HHAT: variants seen among roughly 807,000 people sequenced by gnomAD.
HHAT encodes protein-cysteine N-palmitoyltransferase HHAT.
In HHAT, 47 loss-of-function variants were observed where a neutral mutation model predicts 70.8. The observed-to-expected ratio is 0.66, with a 90% CI of 0.53 to 0.85. The LOEUF (loss-of-function observed/expected upper bound fraction) is 0.85. Ranked by LOEUF, HHAT falls within the 40% of genes least tolerant of loss-of-function variation. The probability of loss-of-function intolerance (pLI) is 0.00; values close to 1 mark genes in which losing one functional copy is unlikely to be tolerated. For synonymous variants in HHAT, 228 were observed against 247.6 expected (o/e 0.92, Z 0.74); for missense variants, 609 against 604.8 (o/e 1.01, Z -0.07).
chr1:210,512,231 G>A (rs1414641070), intron 8 of HHAT, among the ~76,000 whole-genome samples: 2 of 152,102 alleles, frequency 1.3e-5, no homozygotes, highest in African/African-American at 4.8e-5. Flanking sequence ...GATGGGACAG[G>A]GTTGTTCTCT....
chr1:210,353,627 TCTTA>T (rs941303253), intron 2 of HHAT, among the ~76,000 whole-genome samples: 8 of 152,074 alleles, frequency 5.3e-5, no homozygotes, highest in South Asian at 4.1e-4. Context: ...GGTTCTTAAC[TCTTA>T]CTTAAAAATT....
At chr1:210,390,403 T>G (rs2091378060) in intron 4 of HHAT, among the ~76,000 whole-genome samples, 1 of 152,248 alleles carries the variant, frequency 6.6e-6, no homozygotes, top group African/African-American at 2.4e-5. Flanking sequence ...AAGAATTCGT[T>G]TCTTATTAGG....
chr1:210,672,004 C>T (rs1680186433), intron 11 of HHAT, among the ~76,000 whole-genome samples: 1 of 152,234 alleles, frequency 6.6e-6, no homozygotes, highest in Admixed American at 6.5e-5. Context: ...TGTGCCCTCC[C>T]ACCGTTACTA....
At chr1:210,662,963 A>G (rs936874642) in intron 11 of HHAT, among the ~76,000 whole-genome samples, 2 of 152,148 alleles carry the variant, frequency 1.3e-5, no homozygotes, top group African/African-American at 4.8e-5. Context: ...CTTGCTCAGA[A>G]TGGAGGAAGC....
intron 6 of HHAT, among the ~76,000 whole-genome samples, chr1:210,416,193 G>A (rs960381831): frequency 6.6e-6 from 1 of 151,866 alleles, no homozygotes; most frequent in African/African-American, 2.4e-5. Context: ...CCCGCTGGGG[G>A]CAGTGCCTGC....
intron 7 of HHAT, among the ~76,000 whole-genome samples, chr1:210,459,683 A>G (rs1483901297): frequency 6.6e-6 from 1 of 152,188 alleles, no homozygotes; most frequent in Non-Finnish European, 1.5e-5. Flanking sequence ...TCCTTTTAAA[A>G]AGGGCAGCAT....
chr1:210,362,236 CTT>C (rs72236593), intron 2 of HHAT, among the ~76,000 whole-genome samples: 16,254 of 139,670 alleles, frequency 0.12, 987 homozygotes, highest in Non-Finnish European at 0.16. Flanking sequence ...GTCAAAATTT[CTT>C]TTTTTTTTTT....
chr1:210,391,060 C>T (rs1475649817), intron 4 of HHAT, among the ~76,000 whole-genome samples: 1 of 152,150 alleles, frequency 6.6e-6, no homozygotes, highest in Non-Finnish European at 1.5e-5. Flanking sequence ...CTTTTAGTTC[C>T]TTAAGGAATT....
intron 8 of HHAT, among the ~76,000 whole-genome samples, chr1:210,491,962 C>T (rs2094558823): frequency 6.6e-6 from 1 of 152,042 alleles, no homozygotes; most frequent in Admixed American, 6.6e-5. Flanking sequence ...AGGATTTTAC[C>T]ATGTTGGCCA....
At chr1:210,555,734 G>A (rs1279195457) in intron 9 of HHAT, among the ~76,000 whole-genome samples, 1 of 152,186 alleles carries the variant, frequency 6.6e-6, no homozygotes, top group African/African-American at 2.4e-5. Flanking sequence ...TTGGTTGACA[G>A]ACATCCGGGA....
chr1:210,534,319 T>G (rs566070471), intron 9 of HHAT, among the ~76,000 whole-genome samples: 1 of 152,230 alleles, frequency 6.6e-6, no homozygotes, highest in South Asian at 2.1e-4. Context: ...TATTTAACTT[T>G]GGCTACCTGA....
chr1:210,497,403 A>G (rs2094668880), intron 8 of HHAT, among the ~76,000 whole-genome samples: 3 of 152,246 alleles, frequency 2.0e-5, no homozygotes. Context: ...TTAAAAGACC[A>G]GTAGAAAACA....
intron 8 of HHAT, among the ~76,000 whole-genome samples, chr1:210,478,272 A>T (rs188057494): frequency 1.3e-5 from 2 of 152,176 alleles, no homozygotes; most frequent in East Asian, 1.9e-4. Flanking sequence ...TAATTTTCCG[A>T]AAGTTTTTAG....
At chr1:210,439,761 C>T (rs1431964065) in intron 7 of HHAT, 1 of 151,868 alleles carries the variant, frequency 6.6e-6, no homozygotes, top group Non-Finnish European at 1.5e-5. Context: ...CAGGTAAGGC[C>T]AGATCAGCCT....
At chr1:210,526,404 C>T (rs2095250550) in intron 9 of HHAT, among the ~76,000 whole-genome samples, 1 of 120,842 alleles carries the variant, frequency 8.3e-6, no homozygotes, top group Non-Finnish European at 1.8e-5. Flanking sequence ...AATATACTTA[C>T]CTGATGGACA....
intron 9 of HHAT, among the ~76,000 whole-genome samples, chr1:210,528,727 TATTA>T (rs1192001936): frequency 1.3e-5 from 2 of 151,746 alleles, no homozygotes; most frequent in African/African-American, 4.9e-5. Flanking sequence ...TACATTTTTA[TATTA>T]ATTAGGGTAG....
At chr1:210,366,000 A>G (rs1384961500) in intron 3 of HHAT, among the ~76,000 whole-genome samples, 1 of 151,868 alleles carries the variant, frequency 6.6e-6, no homozygotes, top group East Asian at 1.9e-4. Flanking sequence ...TTGTAATCAT[A>G]GCTCACTGGA....
At chr1:210,415,685 GTC>G (rs1226038656) in intron 6 of HHAT, among the ~76,000 whole-genome samples, 8 of 151,852 alleles carry the variant, frequency 5.3e-5, no homozygotes, top group African/African-American at 1.7e-4. Flanking sequence ...TTGAGACAGA[GTC>G]TCTGTCTGTC....
At chr1:210,372,329 T>C (rs1264100244) in intron 3 of HHAT, among the ~76,000 whole-genome samples, 1 of 152,228 alleles carries the variant, frequency 6.6e-6, no homozygotes, top group Non-Finnish European at 1.5e-5. Flanking sequence ...GAGTCTTGAA[T>C]AGAAGTACTA....
Sources: gnomAD v4.1 joint callset for allele counts (sites outside exome capture counted in the v4.1 genomes callset) on GRCh38, gnomAD v4.1.1 for gene constraint, MANE v1.5 for transcripts, NCBI Gene and HGNC (gene_info 2026-07-23, HGNC 2026-07-21) for gene names.